Variants in CPSF3 observed in about 807,000 individuals in gnomAD.
CPSF3 encodes cleavage and polyadenylation specificity factor subunit 3.
Under a neutral mutation model 84.1 loss-of-function variants are expected in CPSF3, and 57 were observed. That is an observed-to-expected ratio of 0.68 (90% CI 0.55 to 0.85). CPSF3 has a LOEUF of 0.85. CPSF3 is among the 40% of genes least tolerant of loss of function. The probability of loss-of-function intolerance (pLI) is 0.00; values close to 1 mark genes in which losing one functional copy is unlikely to be tolerated. For synonymous variants in CPSF3, 275 were observed against 278.1 expected, an observed-to-expected ratio of 0.99 and a Z score of 0.11; for missense variants, 522 against 838.8, an observed-to-expected ratio of 0.62 and a Z score of 4.66.
intron 11 of CPSF3, among the ~76,000 whole-genome samples, chr2:9,450,099 C>G (rs1681262635): frequency 6.6e-6 from 1 of 151,034 alleles, no homozygotes; most frequent in Admixed American, 6.6e-5. Flanking sequence ...CTAGGCTCAG[C>G]TGATCCTCCC....
At chr2:9,440,845 GTC>G (rs1680941937) in intron 8 of CPSF3, among the ~76,000 whole-genome samples, 179 bp downstream of exon 8, 1 of 152,216 alleles carries the variant, frequency 6.6e-6, no homozygotes, top group African/African-American at 2.4e-5. Flanking sequence ...GTGAGACCCT[GTC>G]TCTATCAAAA....
At chr2:9,440,358 C>G in intron 7 of CPSF3, 133 bp from the exon 8 acceptor site, 1 of 792,800 alleles carries the variant, frequency 1.3e-6, no homozygotes, top group Non-Finnish European at 1.9e-6. Context: ...TGCTTAAACT[C>G]TTTAAAATAT....
rs964696027 is a variant in CPSF3 at position 9,451,910 on chromosome 2, G to A, written c.1396-1003G>A. 1.3e-5 allele frequency among the ~76,000 whole-genome samples: 2 copies of A among 151,918 alleles called. 1 individual carries two copies. Among genetic ancestry groups the A allele is most frequent in the African/African-American group, 4.8e-5 (2 of 41,406 alleles). Reference sequence around the variant, plus strand: ...TTTTTGTATTTTTAGTAGAGACGGGGTTTCATTATATTGGCCAGGATGGTC... The same window carrying A: ...TTTTTGTATTTTTAGTAGAGACGGGATTTCATTATATTGGCCAGGATGGTC... On this transcript the variant is annotated intron_variant, in intron 11 of 17. Coordinates refer to ENST00000238112, the MANE Select transcript of CPSF3 (RefSeq NM_016207.4).
chr2:9,457,067 A>G (rs1469080725), intron 14 of CPSF3, 40 bp downstream of exon 14: 1 of 1,173,280 alleles, frequency 8.5e-7, no homozygotes, highest in Non-Finnish European at 1.2e-6. Context: ...AGGGGAAAAA[A>G]GTTTTAAAAA....
At chr2:9,443,747 G>C in intron 10 of CPSF3, 86 bp downstream of exon 10, 1 of 1,457,050 alleles carries the variant, frequency 6.9e-7, no homozygotes, top group South Asian at 1.3e-5. Context: ...CACAAAGCAG[G>C]CATCATCACC....
intron 12 of CPSF3, among the ~76,000 whole-genome samples, chr2:9,453,503 A>T (rs1199272575): frequency 1.3e-5 from 2 of 152,206 alleles, no homozygotes; most frequent in African/African-American, 4.8e-5. Flanking sequence ...TAATTTTTTC[A>T]TTACATTGAA....
chr2:9,432,359 C>G, intron 4 of CPSF3, 152 bp from the exon 5 acceptor site: 2 of 535,556 alleles, frequency 3.7e-6, no homozygotes, highest in Non-Finnish European at 5.8e-6. Flanking sequence ...AAAAAATACA[C>G]AAAATATCTG....
chr2:9,444,140 T>TTATATATATATATA (rs377440396), intron 10 of CPSF3, among the ~76,000 whole-genome samples: 7 of 129,888 alleles, frequency 5.4e-5, no homozygotes, highest in Middle Eastern at 4.2e-3. Context: ...AATATATATA[T>TTATATATATATATA]TATATATATA....
intron 1 of CPSF3, among the ~76,000 whole-genome samples, chr2:9,426,333 A>T (rs1030756203): frequency 1.3e-5 from 2 of 152,212 alleles, no homozygotes; most frequent in African/African-American, 4.8e-5. Context: ...GACCCAAATG[A>T]TACAAAGGAG....
At chr2:9,433,487 C>T (rs1680670582) in intron 5 of CPSF3, among the ~76,000 whole-genome samples, 1 of 152,206 alleles carries the variant, frequency 6.6e-6, no homozygotes, top group Admixed American at 6.5e-5. Flanking sequence ...TGTGAATTCT[C>T]TTGGAATTTG....
chr2:9,438,080 GCTCATCCTCT>G (rs1447152627), intron 7 of CPSF3, among the ~76,000 whole-genome samples: 2 of 152,196 alleles, frequency 1.3e-5, no homozygotes, highest in African/African-American at 2.4e-5. Flanking sequence ...TTGCATCTTA[GCTCATCCTCT>G]CTGTTCTGCC....
chr2:9,458,000 C>T lies in CPSF3; in HGVS notation c.1698+973C>T, dbSNP rs369239011. 1.3e-5 allele frequency among the ~76,000 whole-genome samples: 2 copies of T among 152,166 alleles called. 1 individual carries two copies. The highest frequency in any genetic ancestry group is 1.3e-4 in the Admixed American group (2 of 15,286). On this transcript the variant is annotated intron_variant, in intron 14 of 17. Coordinates refer to ENST00000238112, the MANE Select transcript of CPSF3 (RefSeq NM_016207.4). ...TGAACTCCTGACCTCAAGTGATCCA[C>T]CCGCCTCGCATACATTCTATTTTTA...
At chr2:9,450,118 C>T (rs761165198) in intron 11 of CPSF3, among the ~76,000 whole-genome samples, 40 of 151,120 alleles carry the variant, frequency 2.6e-4, no homozygotes, top group Non-Finnish European at 4.4e-4. Context: ...CCCTCTCAGC[C>T]TCCCAAGTAG....
intron 12 of CPSF3, 77 bp from the exon 13 acceptor site, chr2:9,455,582 A>C: frequency 1.9e-6 from 2 of 1,032,374 alleles, no homozygotes; most frequent in Non-Finnish European, 2.9e-6. Context: ...ACTTGCTTTT[A>C]TTTCTTTTTT....
chr2:9,429,864 C>T (rs940828767), intron 2 of CPSF3, 59 bp from the exon 3 acceptor site: 2 of 1,167,366 alleles, frequency 1.7e-6, no homozygotes, highest in Non-Finnish European at 2.5e-6. Flanking sequence ...TGCCTATTTG[C>T]CGAATGAATT....
At chr2:9,451,865 C>T (rs549624465) in intron 11 of CPSF3, among the ~76,000 whole-genome samples, 43 of 152,004 alleles carry the variant, frequency 2.8e-4, no homozygotes, top group Admixed American at 2.2e-3. Flanking sequence ...TACAGGCGCC[C>T]GCCACCACGG....
At chr2:9,429,794 G>A in intron 2 of CPSF3, 129 bp from the exon 3 acceptor site, 2 of 607,988 alleles carry the variant, frequency 3.3e-6, no homozygotes, top group Non-Finnish European at 5.8e-6. Flanking sequence ...TAAGAATCAT[G>A]TTCCAAGTGC....
At position 9,432,694 on chromosome 2, in the gene CPSF3, C is replaced by G. The variant is rs767773242; in HGVS notation, c.519+6C>G. On this transcript the variant is annotated splice_donor_region_variant and intron_variant, in intron 5 of 17. Coordinates refer to ENST00000238112, the MANE Select transcript of CPSF3 (RefSeq NM_016207.4). Reference sequence around the variant, plus strand: ...TTGAGATCGCAGGCGTGAAGGTACCCTCTGGCTGTGGCGCTTTTCTCCCCA... The same window carrying G: ...TTGAGATCGCAGGCGTGAAGGTACCGTCTGGCTGTGGCGCTTTTCTCCCCA... 24 of 1,495,980 alleles carry G rather than the reference C, an allele frequency of 1.6e-5. No homozygotes were observed. Among genetic ancestry groups the G allele is most frequent in the Non-Finnish European group, 2.0e-5 (22 of 1,102,822 alleles). 92.7% of individuals were successfully genotyped at this position (1,495,980 alleles called of 1,614,324 possible).
chr2:9,454,689 C>T lies in CPSF3; in HGVS notation c.1505-970C>T, dbSNP rs376776114. On this transcript the variant is annotated intron_variant, in intron 12 of 17. Coordinates refer to ENST00000238112, the MANE Select transcript of CPSF3 (RefSeq NM_016207.4). ...CCTCCCAAGTAGCTGGGACTACAGG[C>T]GCCTGCCACCATGCCCGGCTAATTT... Among the ~76,000 whole-genome samples the T allele has an allele frequency of 9.1e-4, 138 of 151,942 alleles. 1 individual carries two copies. Among genetic ancestry groups the T allele is most frequent in the African/African-American group, 2.5e-3 (104 of 41,486 alleles).
Sources: gnomAD v4.1 joint callset for allele counts (sites outside exome capture counted in the v4.1 genomes callset) on GRCh38, gnomAD v4.1.1 for gene constraint, MANE v1.5 for transcripts, NCBI Gene and HGNC (gene_info 2026-07-23, HGNC 2026-07-21) for gene names.